The following KIRREL3 variants were observed in gnomAD, a reference collection of about 807,000 sequenced individuals.
KIRREL3 encodes the protein kin of IRRE-like protein 3.
Under a neutral mutation model 89.7 loss-of-function variants are expected in KIRREL3, and 36 were observed. The ratio of observed to expected loss-of-function variants is 0.40; its 90% CI spans 0.31 to 0.53. KIRREL3 has a LOEUF of 0.53. Among genes scored for constraint, KIRREL3 ranks in the 20% least tolerant of loss-of-function variants. The pLI, the probability that KIRREL3 is intolerant of heterozygous loss-of-function variation, is 0.49. For missense variants in KIRREL3, 864 were observed against 1,056.6 expected (o/e 0.82, Z 2.53); for synonymous variants, 445 against 441.4 (o/e 1.01, Z -0.10).
Position 126,468,973 on chromosome 11 carries a change from G to T in KIRREL3, c.591+4336C>A, listed in dbSNP as rs781303459. Among the ~76,000 whole-genome samples, 7 of 152,316 alleles carry T rather than the reference G, an allele frequency of 4.6e-5. No individual in the cohort carries two copies. In the South Asian group the frequency reaches 1.4e-3, roughly 32 times the overall value. ...ATATGGGAAACGCGAGGTCCATAGT[G>T]GGGTGGACCTTGCAGCCGTGTGGAT... On this transcript the variant is annotated intron_variant, in intron 5 of 16. Coordinates refer to ENST00000525144, the MANE Select transcript of KIRREL3 (RefSeq NM_032531.4).
intron 4 of KIRREL3, among the ~76,000 whole-genome samples, chr11:126,504,141 G>T (rs1957949751): frequency 6.6e-6 from 1 of 152,058 alleles, no homozygotes; most frequent in African/African-American, 2.4e-5. Flanking sequence ...GGGATAAAAG[G>T]CCCCACACCA....
At position 126,821,351 on chromosome 11, in the gene KIRREL3, A is replaced by ATATATATATATATGTG. The variant is rs756545626; in HGVS notation, c.55+179103_55+179104insCACATATATATATATA. Among the ~76,000 whole-genome samples, 119 of 105,238 alleles carry ATATATATATATATGTG rather than the reference A, an allele frequency of 1.1e-3. 9 individuals are homozygous for ATATATATATATATGTG. Among genetic ancestry groups the ATATATATATATATGTG allele is most frequent in the East Asian group, 6.4e-3 (19 of 2,978 alleles). The allele number at this position is 105,238 out of a possible 152,430, so 69.0% of individuals were successfully genotyped here. On this transcript the variant is annotated intron_variant, in intron 1 of 16. Transcript: ENST00000525144. ...ACAGTATATATATATATATATATATATGTAACTTCCAACCAACATCCCTTC... is the reference window on the plus strand; with the variant it reads ...ACAGTATATATATATATATATATATATATATATATATATGTGTGTAACTTCCAACCAACATCCCTTC...
chr11:126,902,427 A>G lies in KIRREL3; in HGVS notation c.55+98028T>C, dbSNP rs561941061. 9.8e-5 allele frequency among the ~76,000 whole-genome samples: 15 copies of G among 152,352 alleles called. No homozygotes were observed. In the South Asian group the frequency reaches 2.9e-3, roughly 29 times the overall value. ...TGTGCATGCACACACCTATATGCAC[A>G]TATTTATGGGATATATAGTTGCTCG... On this transcript the variant is annotated intron_variant, in intron 1 of 16. Transcript: ENST00000525144.
At position 126,946,480 on chromosome 11, in the gene KIRREL3, C is replaced by T. The variant is rs187881063; in HGVS notation, c.55+53975G>A. On this transcript the variant is annotated intron_variant, in intron 1 of 16. Coordinates refer to ENST00000525144, the MANE Select transcript of KIRREL3 (RefSeq NM_032531.4). The surrounding 1 kb of genome is among the most constrained non-coding windows in gnomAD (Gnocchi z 4.1). ...AGTTGAAAAAGGACTAATACAAATG[C>T]CCATAAAATCTACAGACTAGACTAG... Among the ~76,000 whole-genome samples, 5 of 152,264 alleles carry T rather than the reference C, an allele frequency of 3.3e-5. No homozygotes were observed. The highest frequency in any genetic ancestry group is 1.5e-5 in the Non-Finnish European group (1 of 68,022).
chr11:126,468,035 G>T (rs1056821099), intron 5 of KIRREL3, among the ~76,000 whole-genome samples: 1 of 152,170 alleles, frequency 6.6e-6, no homozygotes, highest in African/African-American at 2.4e-5. Context: ...TGGTGGTAGG[G>T]GTAGAGGGCA....
Position 126,446,129 on chromosome 11 carries a change from C to T in KIRREL3, c.1125+630G>A, listed in dbSNP as rs1193451474. ...CGCCGCTGCACTCCAGCCTGGGCAA[C>T]AAGCGCAAAACTCCATCTCAAAAAA... On this transcript the variant is annotated intron_variant, in intron 9 of 16. Coordinates refer to ENST00000525144, the MANE Select transcript of KIRREL3 (RefSeq NM_032531.4). Among the ~76,000 whole-genome samples the T allele has an allele frequency of 6.7e-5, 6 of 89,648 alleles. No homozygotes were observed. The East Asian group carries it at 1.6e-3, about 24-fold the overall frequency. 58.8% of individuals were successfully genotyped at this position (89,648 alleles called of 152,430 possible). A position where few individuals can be genotyped will look rare whatever the true frequency, so the allele number is the denominator to read the frequency against.
In KIRREL3 at chr11:126,571,932, C is replaced by T. The variant is rs540434451; in HGVS notation, c.56-9020G>A. ...GATCATGAAGGCCATTCCTGTCCTC[C>T]AGTCTGTCTTCCACACACCCTGTGA... On this transcript the variant is annotated intron_variant, in intron 1 of 16. Transcript: ENST00000525144. This position sits in a 1 kb window ranked among gnomAD's most constrained non-coding sequence, Gnocchi z 7.7. 4.6e-5 allele frequency among the ~76,000 whole-genome samples: 7 copies of T among 152,328 alleles called. No homozygotes were observed. The South Asian group carries it at 1.0e-3, about 23-fold the overall frequency.
chr11:126,559,116 T>A (rs1160592315), intron 2 of KIRREL3, among the ~76,000 whole-genome samples: 2 of 152,150 alleles, frequency 1.3e-5, no homozygotes, highest in Non-Finnish European at 2.9e-5. Context: ...CTTCCACGAC[T>A]TGCCTGGACC....
Position 126,995,608 on chromosome 11 carries a change from G to T in KIRREL3, c.55+4847C>A. On this transcript the variant is annotated intron_variant, in intron 1 of 16. Coordinates refer to ENST00000525144, the MANE Select transcript of KIRREL3 (RefSeq NM_032531.4). This position sits in a 1 kb window ranked among gnomAD's most constrained non-coding sequence, Gnocchi z 6.5. ...GCCCTCCTCCTCACTCCTCCAGTAT[G>T]GGCAATTTTCTTTTCCTCATCCATG... The T allele has an allele frequency of 3.5e-6, 1 of 285,340 alleles. No individual in the cohort carries two copies. The highest frequency in any genetic ancestry group is 6.9e-6 in the Non-Finnish European group (1 of 145,966). The allele number at this position is 285,340 out of a possible 1,614,324, so 17.7% of individuals were successfully genotyped here. A position where few individuals can be genotyped will look rare whatever the true frequency, so the allele number is the denominator to read the frequency against.
At chr11:126,957,486 G>C (rs1267921871) in intron 1 of KIRREL3, among the ~76,000 whole-genome samples, 2 of 152,154 alleles carry the variant, frequency 1.3e-5, no homozygotes, top group Non-Finnish European at 2.9e-5. Context: ...GGCTGCCACG[G>C]GAAGGTGAGA....
intron 1 of KIRREL3, among the ~76,000 whole-genome samples, chr11:126,831,027 T>C (rs1406898466): frequency 1.3e-5 from 2 of 152,200 alleles, no homozygotes; most frequent in East Asian, 3.9e-4. Flanking sequence ...CTGTGGATCA[T>C]AGGAGATTGG....
Position 126,704,501 on chromosome 11 carries a change from G to A in KIRREL3, c.56-141589C>T, listed in dbSNP as rs530465847. Among the ~76,000 whole-genome samples the A allele has an allele frequency of 1.1e-4, 17 of 152,342 alleles. No homozygotes were observed. The highest frequency in any genetic ancestry group is 4.1e-4 in the South Asian group (2 of 4,828). ...TCTGTCTGAGAGACCTTGGTGGAGT[G>A]CAGCTTCAGCATTTGGGGCCACAGC... is the stretch of plus-strand genomic sequence containing the variant. On this transcript the variant is annotated intron_variant, in intron 1 of 16. Coordinates refer to ENST00000525144, the MANE Select transcript of KIRREL3 (RefSeq NM_032531.4). The surrounding 1 kb of genome is among the most constrained non-coding windows in gnomAD (Gnocchi z 4.2).
intron 1 of KIRREL3, among the ~76,000 whole-genome samples, chr11:126,947,411 A>T (rs1263298658): frequency 6.6e-6 from 1 of 152,190 alleles, no homozygotes; most frequent in African/African-American, 2.4e-5. Flanking sequence ...TTGCTGCACT[A>T]CTCAGAGCAG....
At position 126,566,002 on chromosome 11, in the gene KIRREL3, T is replaced by C. The variant is rs1040331608; in HGVS notation, c.56-3090A>G. Among the ~76,000 whole-genome samples the C allele has an allele frequency of 6.6e-6, 1 of 152,164 alleles. No individual in the cohort carries two copies. Among genetic ancestry groups the C allele is most frequent in the African/African-American group, 2.4e-5 (1 of 41,436 alleles). Reference sequence around the variant, plus strand: ...CCTTCCTTGTCCCATAGCATGGAGATGAATGGGAGAGTCAGATCACAGATG... The same window carrying C: ...CCTTCCTTGTCCCATAGCATGGAGACGAATGGGAGAGTCAGATCACAGATG... On this transcript the variant is annotated intron_variant, in intron 1 of 16. Transcript: ENST00000525144. This position sits in a 1 kb window ranked among gnomAD's most constrained non-coding sequence, Gnocchi z 4.9.
In KIRREL3 at chr11:126,428,651, T is replaced by A. The variant is rs1415191855; in HGVS notation, c.1806+528A>T. Among the ~76,000 whole-genome samples the A allele has an allele frequency of 1.3e-5, 2 of 152,030 alleles. No individual in the cohort carries two copies. The highest frequency in any genetic ancestry group is 2.9e-5 in the Non-Finnish European group (2 of 67,992). On this transcript the variant is annotated intron_variant, in intron 15 of 16. Transcript: ENST00000525144. This position sits in a 1 kb window ranked among gnomAD's most constrained non-coding sequence, Gnocchi z 6.4. ...CTCTGAAGGGTAGACTGCATTTTTG[T>A]TGTTGTTGTTGTTTTGAGATGGAGT...
chr11:126,852,402 G>A (rs1468177184), intron 1 of KIRREL3, among the ~76,000 whole-genome samples: 1 of 152,088 alleles, frequency 6.6e-6, no homozygotes, highest in African/African-American at 2.4e-5. Context: ...TCTAGCCTAG[G>A]ACCAATCATC....
At chr11:126,452,843 C>T (rs1348957300) in intron 7 of KIRREL3, among the ~76,000 whole-genome samples, 2 of 152,180 alleles carry the variant, frequency 1.3e-5, no homozygotes, top group African/African-American at 4.8e-5. Flanking sequence ...GCTCACATCT[C>T]GCCCAGCCGG....
rs1418753747 is a variant in KIRREL3, at chr11:126,463,602, T to C, written c.592-295A>G. ...AGCACAAAAGAAAGCAGGATGGGTTTCATGGAAACCAGGCTTCAGGGAGGT... is the reference window on the plus strand; with the variant it reads ...AGCACAAAAGAAAGCAGGATGGGTTCCATGGAAACCAGGCTTCAGGGAGGT... On this transcript the variant is annotated intron_variant, in intron 5 of 16. Coordinates refer to ENST00000525144, the MANE Select transcript of KIRREL3 (RefSeq NM_032531.4). The surrounding 1 kb of genome is among the most constrained non-coding windows in gnomAD (Gnocchi z 5.9). Among the ~76,000 whole-genome samples, 1 of 152,218 alleles carries C rather than the reference T, an allele frequency of 6.6e-6. No individual in the cohort carries two copies. The highest frequency in any genetic ancestry group is 1.5e-5 in the Non-Finnish European group (1 of 68,032).
rs1012032777 is a variant in KIRREL3, at chr11:126,566,448, A to G, written c.56-3536T>C. ...TGACACATGGTAAGTGCTCAGGAAC[A>G]GTCTGCTGACTTAATGAAAGGGCTG... On this transcript the variant is annotated intron_variant, in intron 1 of 16. Transcript: ENST00000525144. This position sits in a 1 kb window ranked among gnomAD's most constrained non-coding sequence, Gnocchi z 4.9. 2.6e-4 allele frequency among the ~76,000 whole-genome samples: 40 copies of G among 152,230 alleles called. No individual in the cohort carries two copies. The highest frequency in any genetic ancestry group is 7.8e-4 in the Admixed American group (12 of 15,288).
Sources: gnomAD v4.1 joint callset for allele counts (sites outside exome capture counted in the v4.1 genomes callset) on GRCh38, gnomAD v4.1.1 for gene constraint, Gnocchi (gnomAD v3.1) non-coding constraint, MANE v1.5 for transcripts, NCBI Gene and HGNC (gene_info 2026-07-23, HGNC 2026-07-21) for gene names.